Variants in BNC2 observed in about 807,000 individuals in gnomAD.
BNC2 encodes basonuclin zinc finger protein 2.
A neutral mutation model predicts 76.3 loss-of-function variants in BNC2; 20 were observed. The observed-to-expected ratio is 0.26, with a 90% CI of 0.18 to 0.38. The LOEUF is 0.38. BNC2 is among the 10% of genes least tolerant of loss of function. The probability of loss-of-function intolerance (pLI) is 1.00; values close to 1 mark genes in which losing one functional copy is unlikely to be tolerated. For synonymous variants in BNC2, 582 were observed against 514.8 expected, an observed-to-expected ratio of 1.13 and a Z score of -1.77; for missense variants, 1,382 against 1,399.8, an observed-to-expected ratio of 0.99 and a Z score of 0.20.
At chr9:16,423,095 G>A (rs1820739837) in intron 6 of BNC2, among the ~76,000 whole-genome samples, 1 of 152,208 alleles carries the variant, frequency 6.6e-6, no homozygotes, top group African/African-American at 2.4e-5. Context: ...GGCAGAGGAA[G>A]CCCTACTCAG....
At chr9:16,529,925 C>T (rs1024264527) in intron 5 of BNC2, among the ~76,000 whole-genome samples, 12 of 152,060 alleles carry the variant, frequency 7.9e-5, no homozygotes, top group Non-Finnish European at 1.5e-4. Context: ...CGCGGCTCAC[C>T]ACAACCTCTG....
intron 3 of BNC2, among the ~76,000 whole-genome samples, chr9:16,608,830 T>C (rs2095657): frequency 1.1e-4 from 16 of 152,084 alleles, no homozygotes; most frequent in Admixed American, 2.6e-4. Flanking sequence ...AAACTTGAAA[T>C]AGGCAAAAGT....
At chr9:16,864,732 G>T (rs113371256) in intron 1 of BNC2, among the ~76,000 whole-genome samples, 565 of 152,244 alleles carry the variant, frequency 3.7e-3, no homozygotes, top group African/African-American at 0.013. Flanking sequence ...CAATAGTCTC[G>T]ACGCTTACTT....
chr9:16,552,629 C>A lies in BNC2; in HGVS notation c.570G>T (p.Leu190=), dbSNP rs572521809. 1.2e-6 allele frequency: 2 copies of A among 1,614,212 alleles called. No homozygotes were observed. Among genetic ancestry groups the A allele is most frequent in the Admixed American group, 1.7e-5 (1 of 60,028 alleles). ...QAVPVRLKIL[L]DRLFSVLKQE... ...GCTTCAGGACGCTGAAGAGACGGTC[C>A]AGCAGGATCTTTAGCCGCACAGGCA... The change falls in exon 5 of 7, where the codon CTG becomes CTT. Residue 190 remains leucine, a synonymous_variant. Coordinates refer to ENST00000380672, the MANE Select transcript of BNC2 (RefSeq NM_017637.6).
At chr9:16,505,219 C>T (rs987671149) in intron 5 of BNC2, among the ~76,000 whole-genome samples, 1 of 152,190 alleles carries the variant, frequency 6.6e-6, no homozygotes, top group African/African-American at 2.4e-5. Flanking sequence ...TCAGTGCTAT[C>T]CTGCCTGAGT....
chr9:16,868,614 G>A (rs942598313), intron 1 of BNC2, among the ~76,000 whole-genome samples: 1 of 152,164 alleles, frequency 6.6e-6, no homozygotes. Context: ...CAAAGTTCAG[G>A]TTCAAGCTCG....
chr9:16,549,738 T>C (rs1327043363), intron 5 of BNC2, among the ~76,000 whole-genome samples: 1 of 152,230 alleles, frequency 6.6e-6, no homozygotes, highest in Non-Finnish European at 1.5e-5. Flanking sequence ...GTAACAGTTT[T>C]GGTGTTCTGG....
intron 5 of BNC2, among the ~76,000 whole-genome samples, chr9:16,501,422 C>T (rs1822515126): frequency 6.6e-6 from 1 of 152,112 alleles, no homozygotes; most frequent in East Asian, 1.9e-4. Flanking sequence ...TCAAAGTTTA[C>T]AACTTTTCAA....
chr9:16,711,419 C>T (rs769474971), intron 3 of BNC2, among the ~76,000 whole-genome samples: 24 of 152,070 alleles, frequency 1.6e-4, no homozygotes, highest in Non-Finnish European at 3.2e-4. Flanking sequence ...TTTACATCCA[C>T]TTAAAAAGTT....
chr9:16,809,583 A>T (rs1386367795), intron 1 of BNC2, among the ~76,000 whole-genome samples: 1 of 152,146 alleles, frequency 6.6e-6, no homozygotes, highest in Non-Finnish European at 1.5e-5. Context: ...ACAGCAATTC[A>T]GGAGTCTCCT....
intron 1 of BNC2, 39 bp downstream of exon 1, chr9:16,870,607 G>A: frequency 6.2e-7 from 1 of 1,608,566 alleles, no homozygotes; most frequent in Non-Finnish European, 8.5e-7. Context: ...TTCTGAGGAA[G>A]TCTAGAATAA....
At chr9:16,456,908 G>A (rs924524519) in intron 5 of BNC2, among the ~76,000 whole-genome samples, 2 of 152,110 alleles carry the variant, frequency 1.3e-5, no homozygotes, top group Non-Finnish European at 2.9e-5. Flanking sequence ...CCATATGAGG[G>A]TCAACTGTCA....
intron 3 of BNC2, among the ~76,000 whole-genome samples, chr9:16,670,236 G>C (rs1158661329): frequency 6.6e-6 from 1 of 152,032 alleles, no homozygotes; most frequent in African/African-American, 2.4e-5. Context: ...GTCTACTTTT[G>C]AACATCTGAA....
intron 3 of BNC2, among the ~76,000 whole-genome samples, chr9:16,691,727 T>G (rs563990205): frequency 5.7e-4 from 86 of 151,930 alleles, no homozygotes; most frequent in African/African-American, 2.0e-3. Flanking sequence ...GCCAGGATGG[T>G]CTCGATCTCC....
intron 1 of BNC2, among the ~76,000 whole-genome samples, chr9:16,754,320 A>G (rs796950964): frequency 4.6e-5 from 7 of 152,300 alleles, no homozygotes; most frequent in African/African-American, 1.7e-4. Flanking sequence ...GTGTCTCTGG[A>G]TAAGAACCTT....
At chr9:16,768,828 C>A (rs1304411998) in intron 1 of BNC2, among the ~76,000 whole-genome samples, 1 of 152,098 alleles carries the variant, frequency 6.6e-6, no homozygotes, top group East Asian at 1.9e-4. Context: ...ATAATGGAGA[C>A]TAGACTAAGA....
chr9:16,469,343 C>T (rs554248852), intron 5 of BNC2, among the ~76,000 whole-genome samples: 34 of 152,250 alleles, frequency 2.2e-4, no homozygotes, highest in Non-Finnish European at 5.9e-5. Context: ...TGGTCTTTCC[C>T]ATGCTGTTCT....
At position 16,743,806 on chromosome 9, in the gene BNC2, G is replaced by A. The variant is rs374670666; in HGVS notation, c.4-5321C>T. On this transcript the variant is annotated intron_variant, in intron 1 of 6. Coordinates refer to ENST00000380672, the MANE Select transcript of BNC2 (RefSeq NM_017637.6). ...TTTTTTCTCCCCCATTCCATACCAA[G>A]TGAGTAAACCATAAAGAGGCTTATG... 1.2e-3 allele frequency among the ~76,000 whole-genome samples: 177 copies of A among 152,310 alleles called. 1 individual carries two copies. The highest frequency in any genetic ancestry group is 4.1e-3 in the African/African-American group (172 of 41,558).
intron 1 of BNC2, among the ~76,000 whole-genome samples, chr9:16,789,119 CAG>C (rs1386851161): frequency 6.6e-6 from 1 of 152,092 alleles, no homozygotes; most frequent in African/African-American, 2.4e-5. Context: ...AGGAAAGAGA[CAG>C]AATTAAAGCA....
Sources: allele counts gnomAD v4.1 joint callset (sites outside exome capture counted in the v4.1 genomes callset), GRCh38; gene constraint gnomAD v4.1.1; transcripts MANE v1.5; gene names NCBI Gene and HGNC (gene_info 2026-07-23, HGNC 2026-07-21).